ZFP64: variants seen among roughly 807,000 people sequenced by gnomAD.
ZFP64 encodes the protein ZFP64 zinc finger protein.
Under a neutral mutation model 51.6 loss-of-function variants are expected in ZFP64, and 14 were observed. The ratio of observed to expected loss-of-function variants is 0.27; its 90% CI spans 0.18 to 0.42. The LOEUF (loss-of-function observed/expected upper bound fraction) is 0.42. Ranked by LOEUF, ZFP64 falls within the 10% of genes least tolerant of loss-of-function variation. The pLI is 1.00. For missense variants in ZFP64, 754 were observed against 906.8 expected, an observed-to-expected ratio of 0.83 and a Z score of 2.16; for synonymous variants, 375 against 361.4, an observed-to-expected ratio of 1.04 and a Z score of -0.43.
chr20:52,139,218 C>T (rs192998083), intron 5 of ZFP64, among the ~76,000 whole-genome samples: 284 of 152,262 alleles, frequency 1.9e-3, no homozygotes, highest in African/African-American at 6.7e-3. Context: ...ATACGTTCAT[C>T]GCAGCACTAT....
chr20:52,147,507 T>A (rs1382333616), downstream of ZFP64, among the ~76,000 whole-genome samples: 3 of 152,164 alleles, frequency 2.0e-5, no homozygotes, highest in African/African-American at 7.2e-5. Flanking sequence ...AGTAAAAATA[T>A]TCTAAAGGAA....
intron 5 of ZFP64, among the ~76,000 whole-genome samples, chr20:52,135,026 C>G (rs1459516362): frequency 2.6e-5 from 4 of 152,050 alleles, no homozygotes; most frequent in Admixed American, 2.6e-4. Context: ...CTGCACCTGG[C>G]TACTTTTTTG....
At chr20:52,163,964 A>C (rs1408749665) in intron 4 of ZFP64, among the ~76,000 whole-genome samples, 1 of 152,224 alleles carries the variant, frequency 6.6e-6, no homozygotes, top group Non-Finnish European at 1.5e-5. Context: ...TTTCTAAATT[A>C]CAAAAATAAC....
chr20:52,120,908 G>A (rs1468114018), intron 5 of ZFP64, among the ~76,000 whole-genome samples: 3 of 151,928 alleles, frequency 2.0e-5, no homozygotes, highest in African/African-American at 7.3e-5. Flanking sequence ...AACTCCTGAC[G>A]TCAGGTGATC....
Position 52,152,423 on chromosome 20 carries a change from G to T in ZFP64, c.1769C>A (p.Ala590Asp). The change falls in exon 6 of 6, where the codon GCC becomes GAC. Residue 590 changes from alanine (A) to aspartate (D), a missense_variant. Around this residue, in one of 3 missense-constraint regions of ZFP64, gnomAD observed 428 missense variants for 472.4 expected, o/e 0.91. Transcript: ENST00000216923. ...AGAGCCTTCCTGGGGGCCACCTGAG[G>T]CCGTGGGGATGAGAGTCTGGTGCAG... ...ATLHQTLIPT[A>D]SGGPQEGSGN... 6.2e-7 allele frequency: 1 copy of T among 1,614,188 alleles called. No individual in the cohort carries two copies. The highest frequency in any genetic ancestry group is 1.1e-5 in the South Asian group (1 of 91,082).
chr20:52,101,388 T>C (rs976978790), intron 5 of ZFP64, among the ~76,000 whole-genome samples: 4 of 152,028 alleles, frequency 2.6e-5, no homozygotes, highest in Admixed American at 2.6e-4. Context: ...CGATTTTTTT[T>C]TGAGACAAGG....
At chr20:52,186,080 G>T (rs1408963714) in intron 2 of ZFP64, among the ~76,000 whole-genome samples, 1 of 152,150 alleles carries the variant, frequency 6.6e-6, no homozygotes, top group African/African-American at 2.4e-5. Context: ...TCCACAACCT[G>T]CCTCCTTTGG....
chr20:52,163,158 C>T (rs1029182604), intron 4 of ZFP64, among the ~76,000 whole-genome samples: 2 of 152,126 alleles, frequency 1.3e-5, no homozygotes, highest in Middle Eastern at 3.2e-3. Context: ...GTCGGGAGTT[C>T]GAGACTAGCC....
intron 5 of ZFP64, among the ~76,000 whole-genome samples, chr20:52,123,140 G>A (rs372166104): frequency 2.1e-4 from 32 of 152,052 alleles, no homozygotes; most frequent in Admixed American, 1.4e-3. Flanking sequence ...ACAGGCATGC[G>A]CCACCATGCC....
chr20:52,117,092 C>A (rs1205759108), intron 5 of ZFP64, among the ~76,000 whole-genome samples: 1 of 152,024 alleles, frequency 6.6e-6, no homozygotes, highest in African/African-American at 2.4e-5. Context: ...CACACACACA[C>A]ACACAAATTA....
chr20:52,168,450 G>A (rs986694492), intron 2 of ZFP64, among the ~76,000 whole-genome samples: 3 of 152,160 alleles, frequency 2.0e-5, no homozygotes, highest in African/African-American at 7.2e-5. Flanking sequence ...AGCTGCCTGG[G>A]AACTTGTTAC....
chr20:52,175,149 G>A (rs1268459052), intron 2 of ZFP64, among the ~76,000 whole-genome samples: 2 of 152,126 alleles, frequency 1.3e-5, no homozygotes, highest in African/African-American at 4.8e-5. Context: ...TTGAGACAGG[G>A]TCTGGCTCTA....
At position 52,191,739 on chromosome 20, in the gene ZFP64, C is replaced by A. The variant is rs891796108; in HGVS notation, c.-103G>T. 3.0e-6 allele frequency: 4 copies of A among 1,347,020 alleles called. No homozygotes were observed. Among genetic ancestry groups the A allele is most frequent in the Non-Finnish European group, 2.9e-6 (3 of 1,020,022 alleles). 83.4% of individuals were successfully genotyped at this position (1,347,020 alleles called of 1,614,324 possible). A position where few individuals can be genotyped will look rare whatever the true frequency, so the allele number is the denominator to read the frequency against. ...CCTTTTATTTTTCCACACCCCCCAC[C>A]CTGCCTTCTCCCAACTCTGCGAGGC... On this transcript the variant is annotated 5_prime_UTR_variant, in exon 1 of 6. Transcript: ENST00000216923. This position sits in a 1 kb window ranked among gnomAD's most constrained non-coding sequence, Gnocchi z 4.3.
chr20:52,123,515 T>A (rs1202268979), intron 5 of ZFP64, among the ~76,000 whole-genome samples: 1 of 152,140 alleles, frequency 6.6e-6, no homozygotes, highest in Non-Finnish European at 1.5e-5. Flanking sequence ...GGCAAGACCC[T>A]CCACCAGCAA....
chr20:52,161,462 T>C (rs975387092), intron 4 of ZFP64, among the ~76,000 whole-genome samples: 5 of 150,696 alleles, frequency 3.3e-5, no homozygotes, highest in Admixed American at 3.3e-4. Context: ...TTTTTTTTTT[T>C]TTTTTTTTTG....
At chr20:52,096,311 G>A (rs564923586) in intron 7 of ZFP64, among the ~76,000 whole-genome samples, 2 of 152,324 alleles carry the variant, frequency 1.3e-5, no homozygotes, top group East Asian at 1.9e-4. Context: ...GGCATGCCAT[G>A]GGCTCCCTGG....
At chr20:52,090,517 G>GA (rs2078911579) in intron 7 of ZFP64, among the ~76,000 whole-genome samples, 1 of 152,050 alleles carries the variant, frequency 6.6e-6, no homozygotes, top group South Asian at 2.1e-4. Context: ...CTTGGTTGGG[G>GA]CGACTGGGCA....
At chr20:52,110,500 A>G (rs1978502483) in intron 5 of ZFP64, 2 of 709,884 alleles carry the variant, frequency 2.8e-6, no homozygotes, top group East Asian at 4.9e-5. Context: ...CTAGTCTAAG[A>G]TCTTCCCTGT....
At chr20:52,113,812 C>A (rs1015950631) in intron 5 of ZFP64, among the ~76,000 whole-genome samples, 3 of 152,034 alleles carry the variant, frequency 2.0e-5, no homozygotes, top group East Asian at 3.9e-4. Context: ...TAAAGACAGG[C>A]AAGATCCAGA....
Sources: allele counts gnomAD v4.1 joint callset (sites outside exome capture counted in the v4.1 genomes callset), GRCh38; gene constraint gnomAD v4.1.1; regional missense constraint gnomAD v4.1.1; non-coding constraint Gnocchi (gnomAD v3.1); transcripts MANE v1.5; gene names NCBI Gene and HGNC (gene_info 2026-07-23, HGNC 2026-07-21).